The following DNAJC1 variants were observed in gnomAD, a reference collection of about 807,000 sequenced individuals.
The protein encoded by DNAJC1 is DnaJ heat shock protein family (Hsp40) member C1.
In DNAJC1, 58 loss-of-function variants were observed where a neutral mutation model predicts 76.6. The observed-to-expected ratio is 0.76, with a 90% CI of 0.61 to 0.94. The LOEUF (loss-of-function observed/expected upper bound fraction) is 0.94, where lower values mean the gene tolerates loss of function less well. DNAJC1 is among the 40% of genes least tolerant of loss of function. The pLI is 0.00. For missense variants in DNAJC1, 689 were observed against 677.3 expected, an observed-to-expected ratio of 1.02 and a Z score of -0.19; for synonymous variants, 258 against 267.9, an observed-to-expected ratio of 0.96 and a Z score of 0.36.
chr10:21,904,280 G>A lies in DNAJC1; in HGVS notation c.820+242C>T, dbSNP rs1252686321. The stretch of plus-strand genomic sequence containing the variant: ...GACTTTGGATGCCCCTAGATTTGAG[G>A]AGTTACATGACTCAAGCTGATTTTA... On this transcript the variant is annotated intron_variant, in intron 7 of 11. Coordinates refer to ENST00000376980, the MANE Select transcript of DNAJC1 (RefSeq NM_022365.4). Among the ~76,000 whole-genome samples the A allele has an allele frequency of 7.9e-5, 12 of 152,028 alleles. No homozygotes were observed. The East Asian group carries it at 1.5e-3, about 20-fold the overall frequency.
At chr10:21,881,648 A>AC (rs1836279474) in intron 8 of DNAJC1, among the ~76,000 whole-genome samples, 1 of 151,976 alleles carries the variant, frequency 6.6e-6, no homozygotes, top group African/African-American at 2.4e-5. Context: ...ACTTCACGGT[A>AC]CCCCAAATAA....
chr10:21,960,151 T>C (rs1344823617), intron 1 of DNAJC1, among the ~76,000 whole-genome samples: 1 of 152,168 alleles, frequency 6.6e-6, no homozygotes, highest in Non-Finnish European at 1.5e-5. Context: ...AAAAAACAGA[T>C]GCAGTTAAAA....
intron 9 of DNAJC1, among the ~76,000 whole-genome samples, chr10:21,805,604 A>T (rs190575571): frequency 6.6e-6 from 1 of 152,256 alleles, no homozygotes; most frequent in Admixed American, 6.5e-5. Context: ...CTAAATAGCA[A>T]TCGCAATCTG....
chr10:21,790,407 G>C (rs1834669837), intron 9 of DNAJC1, among the ~76,000 whole-genome samples: 1 of 151,426 alleles, frequency 6.6e-6, no homozygotes, highest in Non-Finnish European at 1.5e-5. Context: ...TCTAAAAATG[G>C]CAAGAGAAAA....
chr10:21,778,974 A>T (rs1197188028), intron 9 of DNAJC1, among the ~76,000 whole-genome samples: 1 of 152,200 alleles, frequency 6.6e-6, no homozygotes, highest in Non-Finnish European at 1.5e-5. Context: ...GGACGGTCCC[A>T]CGCCCATGGA....
intron 1 of DNAJC1, among the ~76,000 whole-genome samples, chr10:21,938,417 CT>C (rs1259964207): frequency 6.6e-6 from 1 of 151,056 alleles, no homozygotes; most frequent in East Asian, 1.9e-4. Flanking sequence ...CTAAGTTTTG[CT>C]ACGTAATAGC....
chr10:21,843,916 C>T (rs779275216), intron 8 of DNAJC1, among the ~76,000 whole-genome samples: 18 of 152,020 alleles, frequency 1.2e-4, no homozygotes, highest in Non-Finnish European at 1.9e-4. Flanking sequence ...ATAATCCCCA[C>T]CTGTCAAGGG....
chr10:21,856,251 G>T (rs774839730), intron 8 of DNAJC1, among the ~76,000 whole-genome samples: 1 of 152,042 alleles, frequency 6.6e-6, no homozygotes, highest in Non-Finnish European at 1.5e-5. Context: ...AATTCTATAA[G>T]CCAGTTAAAT....
chr10:21,988,655 G>C (rs565559004), intron 1 of DNAJC1, among the ~76,000 whole-genome samples: 1 of 152,204 alleles, frequency 6.6e-6, no homozygotes, highest in South Asian at 2.1e-4. Flanking sequence ...ACAGTCTTTA[G>C]TGAGGGTTAG....
rs71490399 is a variant in DNAJC1, at chr10:21,847,848, C to T, written c.978+34434G>A. ...TGGACAAACACACCATTTTCTTTAT[C>T]CATTCATATCCTAATGGACACTTAG... On this transcript the variant is annotated intron_variant, in intron 8 of 11. Coordinates refer to ENST00000376980, the MANE Select transcript of DNAJC1 (RefSeq NM_022365.4). 8.9e-3 allele frequency among the ~76,000 whole-genome samples: 1,359 copies of T among 152,080 alleles called. 8 individuals are homozygous for T. The highest frequency in any genetic ancestry group is 0.038 in the Middle Eastern group (11 of 292).
intron 1 of DNAJC1, among the ~76,000 whole-genome samples, chr10:21,951,581 G>A (rs879421040): frequency 1.4e-4 from 12 of 82,972 alleles, no homozygotes; most frequent in Admixed American, 5.9e-4. Context: ...CCTTCATAGT[G>A]CAAGTGCTTC....
intron 1 of DNAJC1, among the ~76,000 whole-genome samples, chr10:21,945,857 T>C (rs1209380323): frequency 2.0e-5 from 3 of 152,266 alleles, no homozygotes; most frequent in East Asian, 3.9e-4. Flanking sequence ...TTTGCCCAGC[T>C]GTTCTTTAAA....
intron 9 of DNAJC1, among the ~76,000 whole-genome samples, chr10:21,796,760 G>A (rs193017944): frequency 4.7e-4 from 72 of 152,238 alleles, no homozygotes; most frequent in Non-Finnish European, 8.1e-4. Context: ...TTGTAGAAAT[G>A]TCTTTTGAAG....
intron 9 of DNAJC1, among the ~76,000 whole-genome samples, chr10:21,803,088 G>A (rs770371353): frequency 5.9e-5 from 9 of 152,058 alleles, no homozygotes; most frequent in Non-Finnish European, 1.3e-4. Flanking sequence ...TGCTAATTAT[G>A]ACAATTAATA....
At chr10:21,859,799 T>G (rs994941192) in intron 8 of DNAJC1, among the ~76,000 whole-genome samples, 11 of 152,134 alleles carry the variant, frequency 7.2e-5, no homozygotes, top group Non-Finnish European at 1.5e-4. Context: ...CTTTTTTTTT[T>G]TTGAGACGGA....
chr10:21,796,777 G>A (rs1432351507), intron 9 of DNAJC1, among the ~76,000 whole-genome samples: 1 of 152,054 alleles, frequency 6.6e-6, no homozygotes, highest in Non-Finnish European at 1.5e-5. Context: ...GAAGTCCTTT[G>A]CCCACTTAAA....
intron 9 of DNAJC1, among the ~76,000 whole-genome samples, chr10:21,803,318 T>C (rs1162029753): frequency 1.3e-5 from 2 of 152,118 alleles, no homozygotes; most frequent in African/African-American, 4.8e-5. Context: ...ACTAGGCAGG[T>C]GATCAGGTCA....
intron 8 of DNAJC1, among the ~76,000 whole-genome samples, chr10:21,838,123 G>A (rs1407195642): frequency 6.6e-6 from 1 of 152,100 alleles, no homozygotes; most frequent in Non-Finnish European, 1.5e-5. Context: ...TCTGGGAGGT[G>A]TACCCAACAG....
intron 1 of DNAJC1, among the ~76,000 whole-genome samples, chr10:21,982,917 T>C (rs1838182601): frequency 6.6e-6 from 1 of 152,146 alleles, no homozygotes; most frequent in Non-Finnish European, 1.5e-5. Context: ...TAGCCAGGCA[T>C]GATGGCGCAC....
Sources: allele counts gnomAD v4.1 joint callset (sites outside exome capture counted in the v4.1 genomes callset), GRCh38; gene constraint gnomAD v4.1.1; transcripts MANE v1.5; gene names NCBI Gene and HGNC (gene_info 2026-07-23, HGNC 2026-07-21).